SPEN: variants seen among roughly 807,000 people sequenced by gnomAD.
The protein encoded by SPEN is spen family transcriptional repressor, also known as msx2-interacting protein.
Under a neutral mutation model 269.9 loss-of-function variants are expected in SPEN, and 18 were observed. The observed-to-expected ratio is 0.07, with a 90% CI of 0.05 to 0.10. The LOEUF is 0.10. SPEN is among the 10% of genes least tolerant of loss of function. The pLI, the probability that SPEN is intolerant of heterozygous loss-of-function variation, is 1.00. For synonymous variants in SPEN, 1,726 were observed against 1,765.7 expected, an observed-to-expected ratio of 0.98 and a Z score of 0.56; for missense variants, 3,822 against 4,631.2, an observed-to-expected ratio of 0.83 and a Z score of 5.07.
chr1:15,886,383 C>G (rs930722332), intron 3 of SPEN, among the ~76,000 whole-genome samples: 5 of 152,176 alleles, frequency 3.3e-5, no homozygotes, highest in African/African-American at 4.8e-5. Flanking sequence ...TCGAACCAGC[C>G]TAAACTGGAA....
At chr1:15,859,358 C>CTTTTTTTTTTTT (rs143092339) in intron 1 of SPEN, among the ~76,000 whole-genome samples, 34 of 115,570 alleles carry the variant, frequency 2.9e-4, no homozygotes, top group Middle Eastern at 5.3e-3. Context: ...TTTTTCTTTT[C>CTTTTTTTTTTTT]TTTTTTTTTT....
chr1:15,909,697 G>A (rs934827492), intron 4 of SPEN, among the ~76,000 whole-genome samples: 3 of 152,150 alleles, frequency 2.0e-5, no homozygotes, highest in Non-Finnish European at 4.4e-5. Flanking sequence ...ACAGCTGACC[G>A]TAATATACTG....
At chr1:15,905,814 C>A (rs1415514600) in intron 3 of SPEN, among the ~76,000 whole-genome samples, 4 of 151,876 alleles carry the variant, frequency 2.6e-5, no homozygotes, top group Non-Finnish European at 5.9e-5. Flanking sequence ...ACCTCGTGAT[C>A]TGCCTGCCTC....
intron 2 of SPEN, chr1:15,874,418 A>G (rs764526701): frequency 2.1e-5 from 28 of 1,335,034 alleles, no homozygotes; most frequent in Non-Finnish European, 6.0e-6. Context: ...TGACCTGTGT[A>G]TATTAGCCCC....
chr1:15,864,315 C>T (rs1315730021), intron 1 of SPEN, among the ~76,000 whole-genome samples: 1 of 152,016 alleles, frequency 6.6e-6, no homozygotes, highest in Non-Finnish European at 1.5e-5. Flanking sequence ...ACTACAGGCG[C>T]TTGCCACCAC....
intron 6 of SPEN, chr1:15,918,034 G>A (rs2071081602): frequency 6.6e-6 from 1 of 151,908 alleles, no homozygotes; most frequent in African/African-American, 2.4e-5. Flanking sequence ...TGGTTTTGTG[G>A]GAGTAGCATA....
chr1:15,926,969 G>T, intron 10 of SPEN, among the ~76,000 whole-genome samples: 1 of 152,298 alleles, frequency 6.6e-6, no homozygotes, highest in East Asian at 1.9e-4. Context: ...TGGGATTACA[G>T]GCATGAGCCA....
chr1:15,924,678 T>C (rs2071150395), intron 10 of SPEN, among the ~76,000 whole-genome samples: 1 of 152,204 alleles, frequency 6.6e-6, no homozygotes, highest in African/African-American at 2.4e-5. Context: ...CAGGCTGGTC[T>C]CAAATTCCTG....
In SPEN at chr1:15,929,537, A is replaced by G. The variant is rs140629572; in HGVS notation, c.3297A>G (p.Gln1099=). 2.4e-5 allele frequency: 39 copies of G among 1,613,920 alleles called. No individual in the cohort carries two copies. Among genetic ancestry groups the G allele is most frequent in the Non-Finnish European group, 3.2e-5 (38 of 1,179,942 alleles). The change falls in exon 11 of 15, where the codon CAA becomes CAG. Residue 1099 remains glutamine, a synonymous_variant. Transcript: ENST00000375759. The surrounding 1 kb of genome is among the most constrained non-coding windows in gnomAD (Gnocchi z 5.8). ...GELAGESVEN[Q]EVQSKKPIPS... ...TAGCAGGTGAATCTGTGGAAAATCA[A>G]GAAGTCCAATCAAAAAAGCCCATTC...
chr1:15,910,111 G>A (rs970410591), intron 4 of SPEN, among the ~76,000 whole-genome samples: 6 of 129,868 alleles, frequency 4.6e-5, no homozygotes, highest in African/African-American at 1.5e-4. Flanking sequence ...GCGACAGAGC[G>A]AGACTCTGTC....
chr1:15,905,084 C>T (rs1376841970), intron 3 of SPEN, among the ~76,000 whole-genome samples: 1 of 151,656 alleles, frequency 6.6e-6, no homozygotes, highest in Non-Finnish European at 1.5e-5. Context: ...GATGGTATTT[C>T]ACCATGTTGG....
intron 1 of SPEN, among the ~76,000 whole-genome samples, chr1:15,853,504 T>C (rs2070356291): frequency 6.7e-6 from 1 of 149,890 alleles, no homozygotes; most frequent in Admixed American, 6.7e-5. Context: ...TTTTTATTTT[T>C]ATTTTTTGAG....
chr1:15,934,313 C>T lies in SPEN; in HGVS notation c.8073C>T (p.Asn2691=), dbSNP rs759970944. The T allele has an allele frequency of 2.1e-5, 34 of 1,613,940 alleles. No homozygotes were observed. Among genetic ancestry groups the T allele is most frequent in the Admixed American group, 3.3e-5 (2 of 60,010 alleles). ...TGAGCACCCCTGCTGGGCCCGTGAA[C>T]GTCCTGAAAGGGCCTGTGAATGTTC... ...SLVSTPAGPV[N]VLKGPVNVLT... Residue 2691 remains asparagine (N), a synonymous_variant, in exon 11 of 15, where the codon AAC becomes AAT. Transcript: ENST00000375759. The surrounding 1 kb of genome is among the most constrained non-coding windows in gnomAD (Gnocchi z 9.2).
chr1:15,895,889 G>A (rs1425506656), intron 3 of SPEN, among the ~76,000 whole-genome samples: 2 of 151,578 alleles, frequency 1.3e-5, no homozygotes, highest in South Asian at 4.2e-4. Context: ...TCTCCATGTT[G>A]GCCAGGCTAG....
chr1:15,877,413 C>G (rs528122610), intron 3 of SPEN, among the ~76,000 whole-genome samples: 1 of 152,194 alleles, frequency 6.6e-6, no homozygotes, highest in East Asian at 1.9e-4. Context: ...GGATTACAAA[C>G]GTGCGCAACC....
chr1:15,931,870 G>T lies in SPEN; in HGVS notation c.5630G>T (p.Arg1877Met). The T allele has an allele frequency of 6.2e-7, 1 of 1,614,208 alleles. No homozygotes were observed. Reference sequence around the variant, plus strand: ...AAGATGGAGGCAGAGAAGATTACAAGGACTGCTTCTAAAAACTCTGCTGCA... The same window carrying T: ...AAGATGGAGGCAGAGAAGATTACAATGACTGCTTCTAAAAACTCTGCTGCA... ...ELKMEAEKIT[R>M]TASKNSAADL... The change falls in exon 11 of 15, where the codon AGG becomes ATG. Residue 1877 changes from arginine (R) to methionine (M), a missense_variant. Around this residue, in one of 16 missense-constraint regions of SPEN, gnomAD observed 533 missense variants for 618.8 expected, o/e 0.86. Transcript: ENST00000375759. The surrounding 1 kb of genome is among the most constrained non-coding windows in gnomAD (Gnocchi z 4.8).
chr1:15,899,241 G>A (rs1321938653), intron 3 of SPEN, among the ~76,000 whole-genome samples: 1 of 151,990 alleles, frequency 6.6e-6, no homozygotes. Flanking sequence ...TGCGATTTTG[G>A]CCCACTGCAA....
rs770885813 is a variant in SPEN at position 15,874,084 on chromosome 1, A to G, written c.404+948A>G. The stretch of plus-strand genomic sequence containing the variant: ...GAGGATATTTCCTCTTCTGCCAGCT[A>G]CCTGATTCATACTTAGGGCTGGAAA... On this transcript the variant is annotated intron_variant, in intron 2 of 14. Transcript: ENST00000375759. 5.2e-6 allele frequency: 7 copies of G among 1,340,804 alleles called. No individual in the cohort carries two copies. The South Asian group carries it at 7.1e-5, about 14-fold the overall frequency. 83.1% of individuals were successfully genotyped at this position (1,340,804 alleles called of 1,614,324 possible).
intron 3 of SPEN, among the ~76,000 whole-genome samples, chr1:15,902,069 C>T (rs892435842): frequency 6.6e-6 from 1 of 151,660 alleles, no homozygotes; most frequent in Non-Finnish European, 1.5e-5. Context: ...GCTGGGACTA[C>T]AGGCATGTGC....
Sources: gnomAD v4.1 joint callset for allele counts (sites outside exome capture counted in the v4.1 genomes callset) on GRCh38, gnomAD v4.1.1 for gene constraint, gnomAD v4.1.1 regional missense constraint, Gnocchi (gnomAD v3.1) non-coding constraint, MANE v1.5 for transcripts, NCBI Gene and HGNC (gene_info 2026-07-23, HGNC 2026-07-21) for gene names.